METTL16: variants seen among roughly 807,000 people sequenced by gnomAD.
METTL16 encodes the protein RNA N(6)-adenosine-methyltransferase METTL16.
METTL16 carries 19 observed loss-of-function variants against 57.9 expected under a neutral mutation model. The ratio of observed to expected loss-of-function variants is 0.33; its 90% CI spans 0.23 to 0.48. The LOEUF (loss-of-function observed/expected upper bound fraction) is 0.48. Ranked by LOEUF, METTL16 falls within the 20% of genes least tolerant of loss-of-function variation. The pLI, the probability that METTL16 is intolerant of heterozygous loss-of-function variation, is 0.99. For missense variants in METTL16, 434 were observed against 691.5 expected, an observed-to-expected ratio of 0.63 and a Z score of 4.18; for synonymous variants, 246 against 255.6, an observed-to-expected ratio of 0.96 and a Z score of 0.36.
At chr17:2,501,222 G>A (rs527847143) in intron 2 of METTL16, among the ~76,000 whole-genome samples, 20 of 152,250 alleles carry the variant, frequency 1.3e-4, no homozygotes, top group African/African-American at 4.1e-4. Flanking sequence ...GAATCTAGGC[G>A]TTTGAGACCA....
chr17:2,421,194 A>C (rs1161979784), intron 8 of METTL16, among the ~76,000 whole-genome samples: 1 of 152,142 alleles, frequency 6.6e-6, no homozygotes. Context: ...ATCTCTAAAA[A>C]AACGTTTAAA....
intron 5 of METTL16, among the ~76,000 whole-genome samples, 175 bp from the exon 6 acceptor site, chr17:2,464,525 T>G (rs184988873): frequency 2.0e-5 from 3 of 152,356 alleles, no homozygotes; most frequent in Admixed American, 1.3e-4. Flanking sequence ...AACAGCTACT[T>G]CATGCAACTA....
At chr17:2,489,833 A>G (rs948291348) in intron 2 of METTL16, among the ~76,000 whole-genome samples, 4 of 152,022 alleles carry the variant, frequency 2.6e-5, no homozygotes, top group African/African-American at 9.7e-5. Flanking sequence ...AAGTCCAGTG[A>G]TAAAAGAGGA....
intron 6 of METTL16, among the ~76,000 whole-genome samples, chr17:2,453,545 T>C (rs906984869): frequency 3.3e-5 from 5 of 152,198 alleles, no homozygotes; most frequent in African/African-American, 7.2e-5. Flanking sequence ...GATGAGCACC[T>C]GGTCAGGGAG....
Position 2,419,817 on chromosome 17 carries a change from G to A in METTL16, c.*153C>T, listed in dbSNP as rs2066746547. On this transcript the variant is annotated 3_prime_UTR_variant, in exon 10 of 10. Transcript: ENST00000263092. ...TAACTCAAAAAGCGGGAAGGAGGCG[G>A]GGGGAGGTGGGGGACAGATTCATAG... The A allele has an allele frequency of 2.2e-6, 2 of 891,514 alleles. No homozygotes were observed. The highest frequency in any genetic ancestry group is 3.5e-6 in the Non-Finnish European group (2 of 563,508). The allele number at this position is 891,514 out of a possible 1,614,324, so 55.2% of individuals were successfully genotyped here.
At chr17:2,478,114 G>A (rs2053832531) in intron 2 of METTL16, among the ~76,000 whole-genome samples, 1 of 152,282 alleles carries the variant, frequency 6.6e-6, no homozygotes, top group South Asian at 2.1e-4. Context: ...CGTATATGGA[G>A]CACAGAGATT....
At chr17:2,421,425 C>T (rs894656193) in intron 8 of METTL16, among the ~76,000 whole-genome samples, 3 of 151,946 alleles carry the variant, frequency 2.0e-5, no homozygotes, top group African/African-American at 7.3e-5. Flanking sequence ...TCCAGGAAAA[C>T]GAAGATACAG....
intron 8 of METTL16, among the ~76,000 whole-genome samples, chr17:2,428,940 C>T (rs1330487886): frequency 1.3e-5 from 2 of 152,042 alleles, no homozygotes; most frequent in Non-Finnish European, 2.9e-5. Flanking sequence ...CTCACCGCAA[C>T]CTCTGCCTCC....
intron 1 of METTL16, among the ~76,000 whole-genome samples, chr17:2,507,019 C>A (rs566891452): frequency 6.6e-6 from 1 of 151,180 alleles, no homozygotes; most frequent in Admixed American, 6.6e-5. Flanking sequence ...GCAGCCACCC[C>A]GTCTGGGAAG....
chr17:2,486,218 G>A (rs2067340041), intron 2 of METTL16, among the ~76,000 whole-genome samples: 2 of 125,626 alleles, frequency 1.6e-5, no homozygotes, highest in African/African-American at 6.4e-5. Flanking sequence ...ATCATGTCCA[G>A]TCTGAAACTT....
intron 1 of METTL16, among the ~76,000 whole-genome samples, chr17:2,506,531 G>A (rs1444790330): frequency 2.6e-4 from 39 of 150,392 alleles, no homozygotes; most frequent in Admixed American, 7.3e-4. Flanking sequence ...CGAGTGATCC[G>A]CCAGCCTCGG....
chr17:2,444,318 T>C (rs1292541705), intron 6 of METTL16, among the ~76,000 whole-genome samples: 1 of 152,028 alleles, frequency 6.6e-6, no homozygotes, highest in Non-Finnish European at 1.5e-5. Flanking sequence ...GATGTGGTGG[T>C]GGGCATCTAT....
intron 4 of METTL16, among the ~76,000 whole-genome samples, chr17:2,473,092 G>A (rs1470856934): frequency 5.9e-5 from 9 of 152,080 alleles, no homozygotes; most frequent in Admixed American, 5.2e-4. Flanking sequence ...GCGTGTGTGG[G>A]GGCAGGGATA....
At chr17:2,477,153 C>T (rs1005490785) in intron 3 of METTL16, among the ~76,000 whole-genome samples, 2 of 151,802 alleles carry the variant, frequency 1.3e-5, no homozygotes, top group Non-Finnish European at 2.9e-5. Flanking sequence ...CCAACCTGGG[C>T]AACACGAGAC....
chr17:2,428,455 G>C (rs1027099569), intron 8 of METTL16, among the ~76,000 whole-genome samples: 2 of 138,758 alleles, frequency 1.4e-5, no homozygotes, highest in South Asian at 2.5e-4. Flanking sequence ...CTCAACCCGG[G>C]AGGCAGAGCT....
At chr17:2,493,683 C>T (rs1315993071) in intron 2 of METTL16, among the ~76,000 whole-genome samples, 1 of 146,642 alleles carries the variant, frequency 6.8e-6, no homozygotes, top group Non-Finnish European at 1.5e-5. Flanking sequence ...TGGGCCACTG[C>T]ACTCCAGTCT....
At chr17:2,492,759 T>A (rs1330232260) in intron 2 of METTL16, among the ~76,000 whole-genome samples, 2 of 151,556 alleles carry the variant, frequency 1.3e-5, no homozygotes, top group Non-Finnish European at 1.5e-5. Flanking sequence ...TAGCCAGGTG[T>A]GGTGGTTGGC....
At chr17:2,473,748 TTC>T in intron 3 of METTL16, 84 bp from the exon 4 acceptor site, 2 of 1,426,842 alleles carry the variant, frequency 1.4e-6, no homozygotes, top group South Asian at 1.3e-5. Context: ...CTTCTCAGAA[TTC>T]TGTTTGCAGA....
At position 2,419,685 on chromosome 17, in the gene METTL16, G is replaced by A. The variant is rs1335749227; in HGVS notation, c.*285C>T. The A allele has an allele frequency of 5.0e-6, 3 of 601,354 alleles. No homozygotes were observed. Among genetic ancestry groups the A allele is most frequent in the Non-Finnish European group, 9.3e-6 (3 of 321,040 alleles). The allele number at this position is 601,354 out of a possible 1,614,324, so 37.3% of individuals were successfully genotyped here. On this transcript the variant is annotated 3_prime_UTR_variant, in exon 10 of 10. Transcript: ENST00000263092. ...CTTGCAGAGGCAGTCCAGAGCTGAG[G>A]GGCCAGCTTGAGCCAGCTTGCAATC...
Sources: allele counts gnomAD v4.1 joint callset (sites outside exome capture counted in the v4.1 genomes callset), GRCh38; gene constraint gnomAD v4.1.1; transcripts MANE v1.5; gene names NCBI Gene and HGNC (gene_info 2026-07-23, HGNC 2026-07-21).